The following TMEM131 variants were observed in gnomAD, a reference collection of about 807,000 sequenced individuals.
TMEM131 encodes 2610524E03Rik.
In TMEM131, 66 loss-of-function variants were observed where a neutral mutation model predicts 211.6. The ratio of observed to expected loss-of-function variants is 0.31; its 90% CI spans 0.26 to 0.38. The LOEUF is 0.38. Ranked by LOEUF, TMEM131 falls within the 10% of genes least tolerant of loss-of-function variation. TMEM131 has a pLI of 1.00. For synonymous variants in TMEM131, 844 were observed against 841.3 expected, an observed-to-expected ratio of 1.00 and a Z score of -0.06; for missense variants, 2,036 against 2,299.3, an observed-to-expected ratio of 0.89 and a Z score of 2.34.
intron 2 of TMEM131, among the ~76,000 whole-genome samples, chr2:97,917,289 T>C (rs10182941): frequency 0.75 from 114,120 of 152,140 alleles, 44,470 homozygotes; most frequent in African/African-American, 0.87. Flanking sequence ...TAATATCTGG[T>C]CCTTTACCGA....
At chr2:97,827,065 A>C (rs1682425201) in intron 11 of TMEM131, among the ~76,000 whole-genome samples, 1 of 128,456 alleles carries the variant, frequency 7.8e-6, no homozygotes, top group East Asian at 2.0e-4. Flanking sequence ...AGTAAGTGAT[A>C]AGCAAAAAAA....
chr2:97,775,648 C>A (rs1209671145), intron 32 of TMEM131, among the ~76,000 whole-genome samples, 195 bp downstream of exon 32: 2 of 152,210 alleles, frequency 1.3e-5, no homozygotes, highest in Non-Finnish European at 2.9e-5. Context: ...TTCATCCCCA[C>A]AGCTGTGACT....
chr2:97,871,322 GCT>G (rs1674480788), intron 4 of TMEM131, among the ~76,000 whole-genome samples: 1 of 152,196 alleles, frequency 6.6e-6, no homozygotes, highest in African/African-American at 2.4e-5. Flanking sequence ...AACAGGCAAA[GCT>G]AACTTTGGGA....
At chr2:97,774,893 G>A (rs1051746709) in intron 32 of TMEM131, among the ~76,000 whole-genome samples, 5 of 152,282 alleles carry the variant, frequency 3.3e-5, no homozygotes, top group Non-Finnish European at 4.4e-5. Flanking sequence ...GGAGGACCAC[G>A]GTAACGGTGA....
chr2:97,801,734 CTGATT>C (rs569529177), intron 25 of TMEM131, among the ~76,000 whole-genome samples, 156 bp downstream of exon 25: 1 of 152,252 alleles, frequency 6.6e-6, no homozygotes, highest in East Asian at 1.9e-4. Context: ...CCTACTCTTC[CTGATT>C]TATTTTGCCT....
chr2:97,820,078 A>G (rs988485815), intron 11 of TMEM131, among the ~76,000 whole-genome samples: 1 of 152,224 alleles, frequency 6.6e-6, no homozygotes, highest in Non-Finnish European at 1.5e-5. Flanking sequence ...GCTGTCAGCA[A>G]GTGTTCGTTC....
At chr2:97,947,474 G>A (rs1678097677) in intron 1 of TMEM131, among the ~76,000 whole-genome samples, 1 of 151,806 alleles carries the variant, frequency 6.6e-6, no homozygotes, top group South Asian at 2.1e-4. Context: ...GGAACAACTG[G>A]AAAATAAAAA....
intron 11 of TMEM131, among the ~76,000 whole-genome samples, chr2:97,820,485 T>A (rs1384617652): frequency 6.6e-6 from 1 of 152,184 alleles, no homozygotes; most frequent in East Asian, 1.9e-4. Context: ...CATCACTTTA[T>A]GCAATAAAAG....
intron 1 of TMEM131, among the ~76,000 whole-genome samples, chr2:97,936,401 A>C (rs923107191): frequency 2.6e-5 from 4 of 152,218 alleles, no homozygotes; most frequent in African/African-American, 4.8e-5. Flanking sequence ...GGCTGACCCC[A>C]GGCTTTGTGT....
At chr2:97,941,426 T>C (rs1279055663) in intron 1 of TMEM131, among the ~76,000 whole-genome samples, 2 of 152,194 alleles carry the variant, frequency 1.3e-5, no homozygotes, top group Non-Finnish European at 2.9e-5. Context: ...AACGACTTCA[T>C]GACTAAAACA....
intron 11 of TMEM131, among the ~76,000 whole-genome samples, chr2:97,823,457 T>C (rs1286162332): frequency 6.6e-6 from 1 of 152,212 alleles, no homozygotes; most frequent in Non-Finnish European, 1.5e-5. Flanking sequence ...GTCATGCTAT[T>C]GTTAGATCAA....
chr2:97,896,649 T>G (rs192591750), intron 3 of TMEM131, among the ~76,000 whole-genome samples: 34 of 152,292 alleles, frequency 2.2e-4, no homozygotes, highest in Non-Finnish European at 4.0e-4. Flanking sequence ...TTTGTTGGTT[T>G]CAAGTCTGTT....
At chr2:97,983,604 G>A (rs1213029944) in intron 1 of TMEM131, among the ~76,000 whole-genome samples, 1 of 152,168 alleles carries the variant, frequency 6.6e-6, no homozygotes, top group African/African-American at 2.4e-5. Flanking sequence ...CAATTAAGCA[G>A]CTGACCAATG....
At chr2:97,809,328 T>G (rs1386752229) in intron 19 of TMEM131, among the ~76,000 whole-genome samples, 13 of 152,208 alleles carry the variant, frequency 8.5e-5, no homozygotes. Flanking sequence ...TGGCCCTAGA[T>G]TCACGTCTCT....
chr2:97,912,953 C>T (rs189061481), intron 2 of TMEM131: 3 of 152,242 alleles, frequency 2.0e-5, no homozygotes, highest in East Asian at 1.9e-4. Context: ...TTTTATAAAA[C>T]GAACACATCT....
At chr2:97,938,361 A>C (rs10180722) in intron 1 of TMEM131, among the ~76,000 whole-genome samples, 43,854 of 152,036 alleles carry the variant, frequency 0.29, 6,866 homozygotes, top group Middle Eastern at 0.37. Flanking sequence ...AAATCAAAAA[A>C]AAGCAGGGGT....
chr2:97,925,949 A>G (rs1196960979), intron 2 of TMEM131, among the ~76,000 whole-genome samples: 1 of 151,916 alleles, frequency 6.6e-6, no homozygotes, highest in East Asian at 1.9e-4. Context: ...TCTGTACTAA[A>G]AATACAAAAA....
At chr2:97,894,125 T>C (rs184207667) in intron 3 of TMEM131, among the ~76,000 whole-genome samples, 1 of 152,354 alleles carries the variant, frequency 6.6e-6, no homozygotes, top group East Asian at 1.9e-4. Flanking sequence ...ACATCATTTA[T>C]TAAATAGGGA....
intron 5 of TMEM131, among the ~76,000 whole-genome samples, chr2:97,850,641 A>G (rs1255098381): frequency 6.6e-6 from 1 of 152,186 alleles, no homozygotes; most frequent in Non-Finnish European, 1.5e-5. Flanking sequence ...GTATCCCTGA[A>G]CTTAAAATAA....
Sources: gnomAD v4.1 joint callset for allele counts (sites outside exome capture counted in the v4.1 genomes callset) on GRCh38, gnomAD v4.1.1 for gene constraint, MANE v1.5 for transcripts, NCBI Gene and HGNC (gene_info 2026-07-23, HGNC 2026-07-21) for gene names.